The following CELF2 variants were observed in gnomAD, a reference collection of about 807,000 sequenced individuals.
The protein encoded by CELF2 is CUGBP Elav-like family member 2.
In CELF2, 8 loss-of-function variants were observed where a neutral mutation model predicts 62.6. The ratio of observed to expected loss-of-function variants is 0.13; its 90% CI spans 0.07 to 0.23. The LOEUF is 0.23. Ranked by LOEUF, CELF2 falls within the 10% of genes least tolerant of loss-of-function variation. The pLI is 1.00. For synonymous variants in CELF2, 258 were observed against 250.0 expected, an observed-to-expected ratio of 1.03 and a Z score of -0.30; for missense variants, 333 against 671.0, an observed-to-expected ratio of 0.50 and a Z score of 5.56.
chr10:10,828,594 G>A (rs1169679819), intron 1 of CELF2, among the ~76,000 whole-genome samples: 1 of 152,086 alleles, frequency 6.6e-6, no homozygotes, highest in Non-Finnish European at 1.5e-5. Flanking sequence ...ACAAAGCAGT[G>A]TGAGTATACT....
the CELF2 span, among the ~76,000 whole-genome samples, chr10:10,724,234 G>A: frequency 6.6e-6 from 1 of 152,130 alleles, no homozygotes; most frequent in Non-Finnish European, 1.5e-5. Flanking sequence ...TTCTCTTCTA[G>A]GATGGACAAA....
At chr10:11,041,810 G>T (rs1014731082) in intron 1 of CELF2, among the ~76,000 whole-genome samples, 9 of 152,134 alleles carry the variant, frequency 5.9e-5, no homozygotes, top group African/African-American at 9.7e-5. Context: ...TTTACAATCT[G>T]TAAGCTGATA....
chr10:10,553,068 A>G, the CELF2 span, among the ~76,000 whole-genome samples: 1 of 152,192 alleles, frequency 6.6e-6, no homozygotes, highest in Non-Finnish European at 1.5e-5. Flanking sequence ...AGGACTGGGT[A>G]ATTTATAAGG....
At chr10:11,293,468 T>C (rs1386095499) in intron 9 of CELF2, among the ~76,000 whole-genome samples, 2 of 152,214 alleles carry the variant, frequency 1.3e-5, no homozygotes, top group African/African-American at 4.8e-5. Flanking sequence ...TATTGCTGAG[T>C]AAGTTCCTAG....
chr10:10,806,318 C>T (rs1167068555), intron 1 of CELF2, among the ~76,000 whole-genome samples: 1 of 151,708 alleles, frequency 6.6e-6, no homozygotes, highest in Non-Finnish European at 1.5e-5. Flanking sequence ...GATTCTCCTG[C>T]CTCAGCCTCC....
the CELF2 span, among the ~76,000 whole-genome samples, chr10:10,514,979 A>G: frequency 6.6e-6 from 1 of 152,226 alleles, no homozygotes; most frequent in Non-Finnish European, 1.5e-5. Flanking sequence ...GCTAATTAAC[A>G]TTTATGACAA....
chr10:10,810,616 C>T (rs1424042252), intron 1 of CELF2, among the ~76,000 whole-genome samples: 4 of 152,010 alleles, frequency 2.6e-5, no homozygotes, highest in African/African-American at 4.8e-5. Flanking sequence ...CTAAGGGGCT[C>T]ATATCAAAGA....
the CELF2 span, among the ~76,000 whole-genome samples, chr10:10,513,852 T>C: frequency 1.1e-4 from 16 of 152,126 alleles, no homozygotes; most frequent in South Asian, 2.1e-4. Flanking sequence ...AAAGTATAGA[T>C]CCCTCTCTAA....
chr10:10,602,990 C>T, the CELF2 span, among the ~76,000 whole-genome samples: 1 of 152,092 alleles, frequency 6.6e-6, no homozygotes, highest in African/African-American at 2.4e-5. Flanking sequence ...AGGGAAAGCA[C>T]AAAGAGGGAA....
At chr10:10,547,399 C>T in the CELF2 span, among the ~76,000 whole-genome samples, 5 of 152,134 alleles carry the variant, frequency 3.3e-5, no homozygotes, top group South Asian at 1.0e-3. Context: ...ACTGACTTTG[C>T]CTGTGACAGA....
At chr10:10,485,429 C>T in the CELF2 span, among the ~76,000 whole-genome samples, 1 of 152,098 alleles carries the variant, frequency 6.6e-6, no homozygotes, top group Non-Finnish European at 1.5e-5. Context: ...ACTTTTAAGC[C>T]CAGGATATTG....
At chr10:10,476,219 A>ATC in the CELF2 span, among the ~76,000 whole-genome samples, 88,340 of 151,826 alleles carry the variant, frequency 0.58, 25,795 homozygotes, top group Admixed American at 0.65. Context: ...ATCATTTTAT[A>ATC]TCTACTTTCT....
chr10:11,321,021 C>A lies in CELF2; in HGVS notation c.1097-168C>A. 7.5e-7 allele frequency: 1 copy of A among 1,338,998 alleles called. No individual in the cohort carries two copies. The highest frequency in any genetic ancestry group is 1.0e-6 in the Non-Finnish European group (1 of 972,706). 82.9% of individuals were successfully genotyped at this position (1,338,998 alleles called of 1,614,324 possible). A position where few individuals can be genotyped will look rare whatever the true frequency, so the allele number is the denominator to read the frequency against. ...GGCTTAGGTCATTTTCCCCCATTAT[C>A]ACGATTTATTTCTTCATGGTTTCAT... is the stretch of plus-strand genomic sequence containing the variant. On this transcript the variant is annotated intron_variant, in intron 10 of 12. Coordinates refer to ENST00000633077, the MANE Select transcript of CELF2 (RefSeq NM_001326342.2). This position sits in a 1 kb window ranked among gnomAD's most constrained non-coding sequence, Gnocchi z 6.2.
the CELF2 span, among the ~76,000 whole-genome samples, chr10:10,577,197 G>A: frequency 2.0e-5 from 3 of 152,048 alleles, no homozygotes; most frequent in Admixed American, 2.0e-4. Context: ...AATCTAGACT[G>A]GACAAGAGCT....
At chr10:11,000,111 T>C (rs1471906354) in intron 2 of CELF2, among the ~76,000 whole-genome samples, 1 of 152,228 alleles carries the variant, frequency 6.6e-6, no homozygotes, top group Non-Finnish European at 1.5e-5. Flanking sequence ...ATTGTGAACA[T>C]GTTGTCTGCT....
intron 1 of CELF2, among the ~76,000 whole-genome samples, chr10:10,871,035 A>G (rs969250223): frequency 1.3e-5 from 2 of 152,026 alleles, no homozygotes; most frequent in Non-Finnish European, 1.5e-5. Context: ...AAATAATTGA[A>G]CAGTCTCTTC....
chr10:10,494,639 ATCT>A, the CELF2 span, among the ~76,000 whole-genome samples: 6 of 152,300 alleles, frequency 3.9e-5, no homozygotes, highest in Middle Eastern at 3.4e-3. Flanking sequence ...CCTCAGCATA[ATCT>A]TCTTCAGTGA....
At chr10:10,986,156 T>C (rs1193074185) in intron 2 of CELF2, among the ~76,000 whole-genome samples, 1 of 152,152 alleles carries the variant, frequency 6.6e-6, no homozygotes, top group African/African-American at 2.4e-5. Context: ...ACAATAGCAC[T>C]TATCTATACA....
chr10:10,872,667 A>AG (rs2060825860), intron 1 of CELF2, among the ~76,000 whole-genome samples: 1 of 121,050 alleles, frequency 8.3e-6, no homozygotes, highest in East Asian at 4.9e-4. Flanking sequence ...AACAACAACA[A>AG]CAACAACAAA....
Sources: gnomAD v4.1 joint callset for allele counts (sites outside exome capture counted in the v4.1 genomes callset) on GRCh38, gnomAD v4.1.1 for gene constraint, Gnocchi (gnomAD v3.1) non-coding constraint, MANE v1.5 for transcripts, NCBI Gene and HGNC (gene_info 2026-07-23, HGNC 2026-07-21) for gene names.